The following TLN2 variants were observed in gnomAD, a reference collection of about 807,000 sequenced individuals.
TLN2 encodes the protein talin-2.
Under a neutral mutation model 294.7 loss-of-function variants are expected in TLN2, and 118 were observed. The observed-to-expected ratio is 0.40, with a 90% CI of 0.34 to 0.47. The LOEUF (loss-of-function observed/expected upper bound fraction) is 0.47. TLN2 is among the 20% of genes least tolerant of loss of function. The pLI, the probability that TLN2 is intolerant of heterozygous loss-of-function variation, is 0.84. For synonymous variants in TLN2, 1,431 were observed against 1,304.5 expected (o/e 1.10, Z -2.09); for missense variants, 3,083 against 3,282.2 (o/e 0.94, Z 1.48).
At chr15:62,501,015 T>C (rs2039276802) in intron 1 of TLN2, among the ~76,000 whole-genome samples, 1 of 152,222 alleles carries the variant, frequency 6.6e-6, no homozygotes, top group African/African-American at 2.4e-5. Context: ...TCACAAATAG[T>C]GCCACTGAAA....
chr15:62,405,397 C>T (rs2033331089), intron 1 of TLN2, among the ~76,000 whole-genome samples: 1 of 152,208 alleles, frequency 6.6e-6, no homozygotes, highest in Admixed American at 6.5e-5. Flanking sequence ...AGACCCAACT[C>T]CTTTCTGAGA....
intron 1 of TLN2, among the ~76,000 whole-genome samples, chr15:62,468,849 A>G (rs552612820): frequency 2.6e-5 from 4 of 152,334 alleles, no homozygotes; most frequent in South Asian, 2.1e-4. Flanking sequence ...ATGAATGTCA[A>G]AGGCTTCAGA....
chr15:62,452,843 T>C (rs992463900), intron 1 of TLN2, among the ~76,000 whole-genome samples: 2 of 152,144 alleles, frequency 1.3e-5, no homozygotes, highest in African/African-American at 4.8e-5. Flanking sequence ...GCCAGTGTAC[T>C]GCTTTACCTA....
intron 1 of TLN2, among the ~76,000 whole-genome samples, chr15:62,418,699 G>C (rs1035254539): frequency 6.6e-6 from 1 of 152,168 alleles, no homozygotes; most frequent in African/African-American, 2.4e-5. Context: ...TTTGAGATAG[G>C]CGCTGGAGTT....
chr15:62,641,768 G>A (rs1432107366), intron 3 of TLN2, among the ~76,000 whole-genome samples: 1 of 152,184 alleles, frequency 6.6e-6, no homozygotes. Context: ...GAGGCAGATG[G>A]CAGTTAAGTG....
intron 1 of TLN2, among the ~76,000 whole-genome samples, chr15:62,400,183 G>A (rs1248662354): frequency 6.6e-6 from 1 of 152,188 alleles, no homozygotes; most frequent in Non-Finnish European, 1.5e-5. Context: ...GCCATGTGAA[G>A]AAGGACATGT....
chr15:62,529,104 T>TTGTG (rs112430968), intron 1 of TLN2, among the ~76,000 whole-genome samples: 1 of 151,362 alleles, frequency 6.6e-6, no homozygotes, highest in African/African-American at 2.4e-5. Context: ...CTTTTTTTTT[T>TTGTG]TGTGTGTGTG....
chr15:62,763,821 C>T (rs1233915571), intron 40 of TLN2, 126 bp downstream of exon 40: 10 of 1,348,458 alleles, frequency 7.4e-6, no homozygotes, highest in Admixed American at 2.9e-5. Context: ...CACCATTAGA[C>T]AGCCATTCTC....
rs747891743 is a variant in TLN2, at chr15:62,702,746, G to A, written c.1906-20G>A. On this transcript the variant is annotated intron_variant, in intron 18 of 58. Coordinates refer to ENST00000636159, the MANE Select transcript of TLN2 (RefSeq NM_015059.3). ...GGAAATGCGTTTTCTTTCCAATTAA[G>A]GTGTGTTGTTTGTTCACAGCCTCGA... The A allele has an allele frequency of 6.2e-7, 1 of 1,612,320 alleles. No individual in the cohort carries two copies. Among genetic ancestry groups the A allele is most frequent in the South Asian group, 1.1e-5 (1 of 91,036 alleles).
At chr15:62,450,629 C>T (rs894466706) in intron 1 of TLN2, among the ~76,000 whole-genome samples, 2 of 151,750 alleles carry the variant, frequency 1.3e-5, no homozygotes, top group African/African-American at 2.4e-5. Flanking sequence ...GGCTGGAGTG[C>T]GGTGGCATGA....
intron 1 of TLN2, among the ~76,000 whole-genome samples, chr15:62,554,745 A>C (rs2042514548): frequency 6.6e-6 from 1 of 152,184 alleles, no homozygotes; most frequent in African/African-American, 2.4e-5. Flanking sequence ...TTCACCTAAC[A>C]AGGAGACAGG....
chr15:62,679,960 G>A (rs989330826), intron 11 of TLN2, among the ~76,000 whole-genome samples: 1 of 152,136 alleles, frequency 6.6e-6, no homozygotes, highest in Non-Finnish European at 1.5e-5. Context: ...AGTTACTTTT[G>A]CATCATTTTC....
Position 62,800,467 on chromosome 15 carries a change from A to ACT in TLN2, c.6334_6335insCT (p.Met2112ThrfsTer11). On this transcript the variant is annotated frameshift_variant, in exon 49 of 59. Coordinates refer to ENST00000636159, the MANE Select transcript of TLN2 (RefSeq NM_015059.3). LOFTEE classifies it high-confidence loss of function. ...CAGCAAGCCAGTGGACGACCCTTCC[A>ACT]TGTACCAGCTCAAGGGGGCTGCCAA... The ACT allele has an allele frequency of 6.2e-7, 1 of 1,614,156 alleles. No individual in the cohort carries two copies. The highest frequency in any genetic ancestry group is 8.5e-7 in the Non-Finnish European group (1 of 1,180,034).
At chr15:62,808,197 C>T (rs1357685624) in intron 51 of TLN2, among the ~76,000 whole-genome samples, 2 of 152,164 alleles carry the variant, frequency 1.3e-5, no homozygotes, top group African/African-American at 2.4e-5. Context: ...TAAGTTAATT[C>T]TCATGCATAT....
At chr15:62,717,362 G>A (rs897520724) in intron 23 of TLN2, among the ~76,000 whole-genome samples, 4 of 152,154 alleles carry the variant, frequency 2.6e-5, no homozygotes, top group East Asian at 1.9e-4. Flanking sequence ...GCTTTCAAGC[G>A]TGCCTGTCTT....
intron 28 of TLN2, among the ~76,000 whole-genome samples, chr15:62,735,627 C>T (rs2060970679): frequency 6.6e-6 from 1 of 152,168 alleles, no homozygotes; most frequent in African/African-American, 2.4e-5. Flanking sequence ...TACAGATTGC[C>T]AGTGGAATGT....
intron 3 of TLN2, chr15:62,645,165 G>T (rs1197667411): frequency 6.5e-6 from 1 of 153,732 alleles, no homozygotes; most frequent in Non-Finnish European, 1.4e-5. Context: ...TCCCCCAATC[G>T]GGGAGTTGCT....
At chr15:62,572,474 G>A (rs866401855) in intron 1 of TLN2, among the ~76,000 whole-genome samples, 1 of 152,148 alleles carries the variant, frequency 6.6e-6, no homozygotes, top group Non-Finnish European at 1.5e-5. Flanking sequence ...TCGAACTCCA[G>A]GGCTCAAGCT....
chr15:62,837,876 GAGA>G (rs2069943188), intron 57 of TLN2, among the ~76,000 whole-genome samples: 1 of 152,208 alleles, frequency 6.6e-6, no homozygotes, highest in Non-Finnish European at 1.5e-5. Context: ...AACTTTGAAT[GAGA>G]AGAACTCTCA....
Sources: gnomAD v4.1 joint callset for allele counts (sites outside exome capture counted in the v4.1 genomes callset) on GRCh38, gnomAD v4.1.1 for gene constraint, MANE v1.5 for transcripts, NCBI Gene and HGNC (gene_info 2026-07-23, HGNC 2026-07-21) for gene names.